Variants in SMURF1 observed in about 807,000 individuals in gnomAD.
SMURF1 encodes SMAD specific E3 ubiquitin protein ligase 1, also known as E3 ubiquitin-protein ligase SMURF1.
A neutral mutation model predicts 98.0 loss-of-function variants in SMURF1; 44 were observed. The observed-to-expected ratio is 0.45, with a 90% confidence interval of 0.35 to 0.58. SMURF1 has a LOEUF of 0.58. Among genes scored for constraint, SMURF1 ranks in the 20% least tolerant of loss-of-function variants. SMURF1 has a pLI of 0.00. For synonymous variants in SMURF1, 396 were observed against 374.9 expected (o/e 1.06, Z -0.65); for missense variants, 687 against 938.4 (o/e 0.73, Z 3.50).
At chr7:99,039,857 G>C (rs1795305301) in intron 13 of SMURF1, among the ~76,000 whole-genome samples, 1 of 152,190 alleles carries the variant, frequency 6.6e-6, no homozygotes, top group Admixed American at 6.5e-5. Flanking sequence ...ACTGCCTGCT[G>C]CTCTTAACAG....
chr7:99,098,728 A>G (rs1297480123), intron 1 of SMURF1, among the ~76,000 whole-genome samples: 1 of 152,144 alleles, frequency 6.6e-6, no homozygotes. Flanking sequence ...GGTCAAGGGA[A>G]ACTGCAGAAT....
chr7:99,138,436 T>G (rs1428520624), intron 1 of SMURF1, among the ~76,000 whole-genome samples: 1 of 152,228 alleles, frequency 6.6e-6, no homozygotes, highest in Non-Finnish European at 1.5e-5. Context: ...GAGGAAATAT[T>G]TCATAAATAA....
At chr7:99,135,088 A>G (rs1450460073) in intron 1 of SMURF1, among the ~76,000 whole-genome samples, 28 of 152,212 alleles carry the variant, frequency 1.8e-4, no homozygotes, top group Admixed American at 1.8e-3. Context: ...TTGAAATGCT[A>G]TAATATTTTA....
chr7:99,040,940 T>G (rs760731636), intron 12 of SMURF1, among the ~76,000 whole-genome samples: 1 of 152,100 alleles, frequency 6.6e-6, no homozygotes. Context: ...GCCAGCCCTG[T>G]GCTTCCTCCC....
At chr7:99,063,712 A>G (rs1175429438) in intron 1 of SMURF1, among the ~76,000 whole-genome samples, 1 of 152,012 alleles carries the variant, frequency 6.6e-6, no homozygotes, top group Non-Finnish European at 1.5e-5. Flanking sequence ...TATCATCCCA[A>G]AAAGAAAGGC....
At chr7:99,053,394 C>T (rs1238346832) in intron 6 of SMURF1, among the ~76,000 whole-genome samples, 1 of 152,090 alleles carries the variant, frequency 6.6e-6, no homozygotes, top group Non-Finnish European at 1.5e-5. Context: ...ATGACTTCAT[C>T]CTTAAATATT....
In SMURF1 at chr7:99,099,500, A is replaced by G. The variant is rs542118777; in HGVS notation, c.56-37663T>C. Reference sequence around the variant, plus strand: ...CGTGCAGTAATTCCTTTCCCAGGATAGGGGGGGAAATGCCATTATCATGTA... The same window carrying G: ...CGTGCAGTAATTCCTTTCCCAGGATGGGGGGGGAAATGCCATTATCATGTA... On this transcript the variant is annotated intron_variant, in intron 1 of 17. Coordinates refer to ENST00000361368, the MANE Select transcript of SMURF1 (RefSeq NM_181349.3). Among the ~76,000 whole-genome samples, 11 of 152,164 alleles carry G rather than the reference A, an allele frequency of 7.2e-5. No homozygotes were observed. In the South Asian group the frequency reaches 1.7e-3, roughly 23 times the overall value.
intron 1 of SMURF1, among the ~76,000 whole-genome samples, chr7:99,128,109 G>T (rs1563041908): frequency 1.3e-5 from 2 of 152,132 alleles, no homozygotes; most frequent in Admixed American, 1.3e-4. Flanking sequence ...CGCTGTTTCA[G>T]AATGCATTAA....
chr7:99,076,759 G>C (rs1234865724), intron 1 of SMURF1, among the ~76,000 whole-genome samples: 1 of 152,186 alleles, frequency 6.6e-6, no homozygotes, highest in Non-Finnish European at 1.5e-5. Flanking sequence ...GTTAATTGGG[G>C]AATCTGGACG....
Position 99,143,815 on chromosome 7 carries a change from GCCA to G in SMURF1, c.-38_-36del. The G allele has an allele frequency of 6.7e-7, 1 of 1,494,490 alleles. No homozygotes were observed. Among genetic ancestry groups the G allele is most frequent in the Non-Finnish European group, 8.9e-7 (1 of 1,119,470 alleles). 92.6% of individuals were successfully genotyped at this position (1,494,490 alleles called of 1,614,324 possible). A position where few individuals can be genotyped will look rare whatever the true frequency, so the allele number is the denominator to read the frequency against. ...ACGATCGGGCAGCCGCGGATCCAGC[GCCA>G]CCGCCCCCCAGCCCGGCCCGGCCCG... On this transcript the variant is annotated 5_prime_UTR_variant, in exon 1 of 18. Coordinates refer to ENST00000361368, the MANE Select transcript of SMURF1 (RefSeq NM_181349.3).
chr7:99,050,894 T>TGG (rs57957340), intron 8 of SMURF1: 8 of 1,314,744 alleles, frequency 6.1e-6, no homozygotes, highest in Admixed American at 4.6e-5. Flanking sequence ...TGTTATGGGG[T>TGG]GGGGGGGGGG....
At chr7:99,044,083 G>T (rs6972455) in intron 11 of SMURF1, among the ~76,000 whole-genome samples, 1 of 152,114 alleles carries the variant, frequency 6.6e-6, no homozygotes, top group African/African-American at 2.4e-5. Context: ...AAGCCAAGGC[G>T]GGAGGATCAC....
intron 10 of SMURF1, 47 bp from the exon 11 acceptor site, chr7:99,045,848 T>TA (rs756090532): frequency 1.6e-5 from 24 of 1,467,338 alleles, no homozygotes; most frequent in South Asian, 1.1e-4. Context: ...TTCTTATTCT[T>TA]AAAGTTATGA....
At chr7:99,095,842 C>T (rs545308757) in intron 1 of SMURF1, among the ~76,000 whole-genome samples, 3 of 152,304 alleles carry the variant, frequency 2.0e-5, no homozygotes, top group South Asian at 4.1e-4. Context: ...AGAAATGTAT[C>T]GTCTCACAGT....
intron 1 of SMURF1, among the ~76,000 whole-genome samples, chr7:99,069,637 AGGCCAC>A (rs1478336940): frequency 6.6e-6 from 1 of 152,188 alleles, no homozygotes; most frequent in Non-Finnish European, 1.5e-5. Context: ...GCCACTTCCA[AGGCCAC>A]TGTACCAGAG....
At chr7:99,092,903 G>A (rs535321359) in intron 1 of SMURF1, among the ~76,000 whole-genome samples, 1 of 152,318 alleles carries the variant, frequency 6.6e-6, no homozygotes, top group African/African-American at 2.4e-5. Context: ...CGATGGTTCA[G>A]GATTCGCTAA....
chr7:99,073,574 G>A (rs1796383157), intron 1 of SMURF1, among the ~76,000 whole-genome samples: 1 of 151,746 alleles, frequency 6.6e-6, no homozygotes, highest in African/African-American at 2.4e-5. Flanking sequence ...AGACCAGCCT[G>A]GCCAACATGG....
At chr7:99,035,767 C>G in intron 15 of SMURF1, 51 bp from the exon 16 acceptor site, 1 of 1,560,486 alleles carries the variant, frequency 6.4e-7, no homozygotes, top group Non-Finnish European at 8.8e-7. Context: ...AAACCCACGT[C>G]AGGATGCGCC....
intron 10 of SMURF1, among the ~76,000 whole-genome samples, chr7:99,046,250 CA>C: frequency 6.6e-6 from 1 of 152,242 alleles, no homozygotes; most frequent in South Asian, 2.1e-4. Flanking sequence ...CCCACTGAGT[CA>C]AAAGGCAAAA....
Sources: allele counts gnomAD v4.1 joint callset (sites outside exome capture counted in the v4.1 genomes callset), GRCh38; gene constraint gnomAD v4.1.1; transcripts MANE v1.5; gene names NCBI Gene and HGNC (gene_info 2026-07-23, HGNC 2026-07-21).